The following NEK10 variants were observed in gnomAD, a reference collection of about 807,000 sequenced individuals.
NEK10 encodes the protein NIMA related kinase 10.
A neutral mutation model predicts 159.8 loss-of-function variants in NEK10; 122 were observed. That is an observed-to-expected ratio of 0.76 (90% CI 0.66 to 0.89). NEK10 has a LOEUF of 0.89. NEK10 is among the 40% of genes least tolerant of loss of function. NEK10 has a pLI of 0.00. For missense variants in NEK10, 1,342 were observed against 1,323.1 expected, an observed-to-expected ratio of 1.01 and a Z score of -0.22; for synonymous variants, 466 against 457.1, an observed-to-expected ratio of 1.02 and a Z score of -0.25.
At chr3:27,354,302 C>T (rs2048177401) in intron 1 of NEK10, among the ~76,000 whole-genome samples, 2 of 152,226 alleles carry the variant, frequency 1.3e-5, no homozygotes, top group South Asian at 4.1e-4. Flanking sequence ...TATTCTCTTG[C>T]TTAATTTCCA....
chr3:27,261,185 T>C (rs951297013), intron 22 of NEK10, among the ~76,000 whole-genome samples: 116 of 152,324 alleles, frequency 7.6e-4, no homozygotes, highest in African/African-American at 2.3e-3. Flanking sequence ...CCTGGATTCA[T>C]TGATTTTTTG....
chr3:27,258,539 G>A (rs1956468396), intron 22 of NEK10, among the ~76,000 whole-genome samples: 1 of 152,014 alleles, frequency 6.6e-6, no homozygotes, highest in African/African-American at 2.4e-5. Flanking sequence ...GTCCTCCAAA[G>A]ACATGAATTC....
intron 23 of NEK10, among the ~76,000 whole-genome samples, chr3:27,240,840 G>C (rs1204822923): frequency 6.6e-6 from 1 of 151,744 alleles, no homozygotes; most frequent in Non-Finnish European, 1.5e-5. Context: ...TTTTAGTAGA[G>C]ACAGGGTTAC....
chr3:27,217,093 A>G (rs945645279), intron 23 of NEK10, among the ~76,000 whole-genome samples: 2 of 152,224 alleles, frequency 1.3e-5, no homozygotes, highest in Non-Finnish European at 2.9e-5. Flanking sequence ...AATAAGGACA[A>G]TGAAAATGAT....
chr3:27,298,538 G>A (rs771041479), intron 13 of NEK10, among the ~76,000 whole-genome samples: 28 of 152,118 alleles, frequency 1.8e-4, no homozygotes, highest in Non-Finnish European at 2.5e-4. Context: ...CAGTAGAGTC[G>A]GGCTTTGCTG....
chr3:27,172,571 G>T (rs1947110542), intron 28 of NEK10, among the ~76,000 whole-genome samples: 1 of 151,854 alleles, frequency 6.6e-6, no homozygotes, highest in Non-Finnish European at 1.5e-5. Context: ...AATGGATAAA[G>T]AAAATGTTTA....
chr3:27,222,717 C>T lies in NEK10; in HGVS notation c.2091-20160G>A, dbSNP rs185332999. 3.9e-5 allele frequency among the ~76,000 whole-genome samples: 6 copies of T among 152,094 alleles called. No individual in the cohort carries two copies. In the East Asian group the frequency reaches 1.2e-3, roughly 29 times the overall value. ...GCTATAAAAATATATTTTGGTTAAA[C>T]TGTAATATATGGCTTAAAAATTGAA... On this transcript the variant is annotated intron_variant, in intron 23 of 35. Transcript: ENST00000691995.
chr3:27,206,013 A>T (rs1204924560), intron 23 of NEK10, among the ~76,000 whole-genome samples: 2 of 152,168 alleles, frequency 1.3e-5, no homozygotes, highest in East Asian at 3.9e-4. Flanking sequence ...AATTTACAAG[A>T]AAAAAAGATA....
At chr3:27,366,601 A>T (rs1331866437) in intron 1 of NEK10, among the ~76,000 whole-genome samples, 2 of 152,164 alleles carry the variant, frequency 1.3e-5, no homozygotes, top group African/African-American at 4.8e-5. Flanking sequence ...TGGAGCCCCA[A>T]ACCCATTAGA....
At chr3:27,255,217 A>G in intron 23 of NEK10, 1 of 322,678 alleles carries the variant, frequency 3.1e-6, no homozygotes, top group Admixed American at 3.8e-5. Context: ...CCTTACTGTT[A>G]AGAGGATAAG....
At chr3:27,253,731 G>T (rs1306383417) in intron 23 of NEK10, among the ~76,000 whole-genome samples, 1 of 152,152 alleles carries the variant, frequency 6.6e-6, no homozygotes, top group Non-Finnish European at 1.5e-5. Context: ...AGGGAAAGGG[G>T]TGCCTAGGCA....
intron 23 of NEK10, among the ~76,000 whole-genome samples, chr3:27,216,938 C>T (rs934375255): frequency 2.6e-5 from 4 of 152,124 alleles, no homozygotes; most frequent in Admixed American, 2.6e-4. Flanking sequence ...TATAATTGTA[C>T]AAGCTGTATT....
chr3:27,218,029 T>C (rs985488635), intron 23 of NEK10, among the ~76,000 whole-genome samples: 10 of 152,276 alleles, frequency 6.6e-5, no homozygotes, highest in African/African-American at 2.4e-4. Flanking sequence ...CTAAGTAAAA[T>C]AAGGGTTACT....
intron 22 of NEK10, among the ~76,000 whole-genome samples, chr3:27,277,723 T>G (rs2041871916): frequency 6.6e-6 from 1 of 152,218 alleles, no homozygotes; most frequent in Non-Finnish European, 1.5e-5. Flanking sequence ...ATAGCTGTGA[T>G]AGACTATATA....
chr3:27,112,664 T>C (rs1939743083), intron 35 of NEK10, among the ~76,000 whole-genome samples: 1 of 152,228 alleles, frequency 6.6e-6, no homozygotes, highest in African/African-American at 2.4e-5. Flanking sequence ...TTCTTTCTTA[T>C]AGTACATCTC....
intron 22 of NEK10, among the ~76,000 whole-genome samples, chr3:27,267,025 C>T (rs1380937785): frequency 6.6e-6 from 1 of 152,152 alleles, no homozygotes; most frequent in Non-Finnish European, 1.5e-5. Context: ...AGGTAGATTC[C>T]CAGTAACTTC....
intron 26 of NEK10, among the ~76,000 whole-genome samples, chr3:27,183,455 A>C (rs1188525233): frequency 6.6e-6 from 1 of 151,798 alleles, no homozygotes; most frequent in African/African-American, 2.4e-5. Context: ...TTAAATCAAA[A>C]GGGATCATAG....
intron 35 of NEK10, among the ~76,000 whole-genome samples, chr3:27,112,831 G>A (rs1317044519): frequency 6.6e-6 from 1 of 152,128 alleles, no homozygotes; most frequent in Non-Finnish European, 1.5e-5. Flanking sequence ...ACCTATTGGG[G>A]AAAAATGCAG....
chr3:27,233,543 C>T (rs1047738321), intron 23 of NEK10, among the ~76,000 whole-genome samples: 1 of 151,894 alleles, frequency 6.6e-6, no homozygotes, highest in Non-Finnish European at 1.5e-5. Flanking sequence ...TCTAGCAATC[C>T]CACTACTGGG....
Sources: allele counts gnomAD v4.1 joint callset (sites outside exome capture counted in the v4.1 genomes callset), GRCh38; gene constraint gnomAD v4.1.1; transcripts MANE v1.5; gene names NCBI Gene and HGNC (gene_info 2026-07-23, HGNC 2026-07-21).